The following FAM107B variants were observed in gnomAD, a reference collection of about 807,000 sequenced individuals.
FAM107B encodes protein FAM107B.
Under a neutral mutation model 31.5 loss-of-function variants are expected in FAM107B, and 21 were observed. That is an observed-to-expected ratio of 0.67 (90% CI 0.47 to 0.96). The LOEUF is 0.96. FAM107B is among the 40% of genes least tolerant of loss of function. The pLI is 0.00. For synonymous variants in FAM107B, 157 were observed against 141.5 expected (o/e 1.11, Z -0.78); for missense variants, 452 against 377.1 (o/e 1.20, Z -1.64).
chr10:14,653,131 A>G (rs1588684523), intron 2 of FAM107B, among the ~76,000 whole-genome samples: 1 of 152,318 alleles, frequency 6.6e-6, no homozygotes, highest in East Asian at 1.9e-4. Context: ...GACAAATTAC[A>G]CTTGTGACCT....
intron 2 of FAM107B, chr10:14,554,018 A>G: frequency 1.3e-6 from 1 of 785,542 alleles, no homozygotes; most frequent in Non-Finnish European, 1.5e-6. Flanking sequence ...GGCTTGCTGC[A>G]AGGTTTGCCG....
intron 1 of FAM107B, among the ~76,000 whole-genome samples, chr10:14,737,801 C>CTCTCTCTCTCTCTCTCA (rs1856341954): frequency 2.0e-5 from 1 of 48,970 alleles, no homozygotes; most frequent in Non-Finnish European, 4.0e-5. Context: ...TCTCTCTCTC[C>CTCTCTCTCTCTCTCTCA]TTCGTTGGCT....
intron 1 of FAM107B, among the ~76,000 whole-genome samples, chr10:14,771,416 C>T (rs999962559): frequency 6.6e-6 from 1 of 152,006 alleles, no homozygotes; most frequent in African/African-American, 2.4e-5. Flanking sequence ...TTCGATAGTA[C>T]GGTGGAGAAG....
chr10:14,521,369 C>T, intron 4 of FAM107B, 63 bp from the exon 5 acceptor site: 1 of 1,357,468 alleles, frequency 7.4e-7, no homozygotes, highest in Non-Finnish European at 1.0e-6. Flanking sequence ...AAATACTCTT[C>T]TCTCTTTTCA....
chr10:14,720,179 G>T (rs1052616780), intron 1 of FAM107B, among the ~76,000 whole-genome samples: 1 of 152,192 alleles, frequency 6.6e-6, no homozygotes, highest in African/African-American at 2.4e-5. Flanking sequence ...CAAGTAGGTA[G>T]GTGATTCCCT....
intron 1 of FAM107B, among the ~76,000 whole-genome samples, chr10:14,695,885 T>C (rs1347237243): frequency 6.6e-6 from 1 of 152,238 alleles, no homozygotes; most frequent in Non-Finnish European, 1.5e-5. Context: ...GTGTGTGGAA[T>C]CTTTGGGGTT....
chr10:14,577,027 A>G (rs1588627072), intron 2 of FAM107B, among the ~76,000 whole-genome samples: 1 of 152,218 alleles, frequency 6.6e-6, no homozygotes, highest in African/African-American at 2.4e-5. Context: ...CATATTGTCA[A>G]TGTATGCTTA....
At chr10:14,704,269 C>CTGTGTG (rs113899632) in intron 1 of FAM107B, among the ~76,000 whole-genome samples, 6,520 of 148,180 alleles carry the variant, frequency 0.044, 338 homozygotes, top group African/African-American at 0.12. Flanking sequence ...GTAAATTGCT[C>CTGTGTG]TGTGTGTGTG....
chr10:14,731,295 C>T (rs951789277), intron 1 of FAM107B, among the ~76,000 whole-genome samples: 13 of 152,312 alleles, frequency 8.5e-5, no homozygotes, highest in Admixed American at 3.9e-4. Context: ...GGTGTGGTGG[C>T]TCACGCCTGT....
intron 1 of FAM107B, among the ~76,000 whole-genome samples, chr10:14,729,521 T>A (rs1178344087): frequency 6.6e-6 from 1 of 151,752 alleles, no homozygotes; most frequent in Non-Finnish European, 1.5e-5. Context: ...ATGGAGCAGA[T>A]AAAGGGAGGG....
intron 1 of FAM107B, among the ~76,000 whole-genome samples, chr10:14,771,800 G>A (rs973669326): frequency 6.6e-6 from 1 of 152,164 alleles, no homozygotes; most frequent in Admixed American, 6.5e-5. Context: ...ACAGGCATGA[G>A]CCACTATGCC....
rs575410751 is a variant in FAM107B at position 14,740,160 on chromosome 10, T to C, written c.411+34093A>G. On this transcript the variant is annotated intron_variant, in intron 1 of 4. Transcript: ENST00000181796. ...TCACACAAAAACCTACACGTGAATGTTTATAGAAGCGATATTCATATTCGC... is the reference window on the plus strand; with the variant it reads ...TCACACAAAAACCTACACGTGAATGCTTATAGAAGCGATATTCATATTCGC... 2.6e-5 allele frequency among the ~76,000 whole-genome samples: 4 copies of C among 152,302 alleles called. No individual in the cohort carries two copies. The South Asian group carries it at 8.3e-4, about 32-fold the overall frequency.
intron 2 of FAM107B, among the ~76,000 whole-genome samples, chr10:14,638,267 T>C (rs959114644): frequency 6.6e-6 from 1 of 151,860 alleles, no homozygotes; most frequent in Non-Finnish European, 1.5e-5. Flanking sequence ...TCTTACGTTG[T>C]GTACAGCCTG....
chr10:14,765,811 T>C (rs1052625891), intron 1 of FAM107B, among the ~76,000 whole-genome samples: 3 of 152,110 alleles, frequency 2.0e-5, no homozygotes, highest in African/African-American at 4.8e-5. Context: ...TTCAGGCCCA[T>C]AGGGAAAGGT....
chr10:14,540,933 G>A (rs1467860242), intron 2 of FAM107B, among the ~76,000 whole-genome samples: 1 of 152,166 alleles, frequency 6.6e-6, no homozygotes, highest in Non-Finnish European at 1.5e-5. Flanking sequence ...AGTCATCCCA[G>A]GCGAATTTGA....
chr10:14,761,188 T>A (rs1833040006), intron 1 of FAM107B, among the ~76,000 whole-genome samples: 1 of 152,178 alleles, frequency 6.6e-6, no homozygotes, highest in South Asian at 2.1e-4. Flanking sequence ...AGTGTTAAAG[T>A]CTTCATTCAT....
At chr10:14,637,538 G>T (rs1853531144) in intron 2 of FAM107B, among the ~76,000 whole-genome samples, 1 of 152,146 alleles carries the variant, frequency 6.6e-6, no homozygotes, top group Non-Finnish European at 1.5e-5. Context: ...CAGCTACTTA[G>T]GAGGCTGAGG....
At chr10:14,572,962 T>C (rs1374821803) in intron 2 of FAM107B, among the ~76,000 whole-genome samples, 2 of 151,764 alleles carry the variant, frequency 1.3e-5, no homozygotes, top group Non-Finnish European at 2.9e-5. Context: ...TACTATATTA[T>C]TAGGAAATAG....
chr10:14,601,352 T>C (rs1411055616), intron 2 of FAM107B, among the ~76,000 whole-genome samples: 2 of 152,210 alleles, frequency 1.3e-5, no homozygotes, highest in East Asian at 3.8e-4. Context: ...TCCTAAGTAC[T>C]TAGGGTGAGG....
Sources: allele counts gnomAD v4.1 joint callset (sites outside exome capture counted in the v4.1 genomes callset), GRCh38; gene constraint gnomAD v4.1.1; transcripts MANE v1.5; gene names NCBI Gene and HGNC (gene_info 2026-07-23, HGNC 2026-07-21).